Variants in TPRG1 observed in about 807,000 individuals in gnomAD.
The protein encoded by TPRG1 is tumor protein p63-regulated gene 1 protein.
In TPRG1, 29 loss-of-function variants were observed where a neutral mutation model predicts 29.3. The observed-to-expected ratio is 0.99, with a 90% CI of 0.74 to 1.35. The LOEUF is 1.35. TPRG1 is among the 40% of genes most tolerant of loss of function. TPRG1 has a pLI of 0.00. For missense variants in TPRG1, 327 were observed against 335.0 expected (o/e 0.98, Z 0.19); for synonymous variants, 130 against 116.8 (o/e 1.11, Z -0.73).
rs35018569 is a variant in TPRG1 at position 189,204,947 on chromosome 3, T to TCACACACACACACA, written c.-9-2412_-9-2399dup. ...CTGTCTCTATGTCTCTCTCTCTCTCTCACACACACACACACACACACACAC... is the reference window on the plus strand; with the variant it reads ...CTGTCTCTATGTCTCTCTCTCTCTCTCACACACACACACACACACACACACACACACACACACAC... On this transcript the variant is annotated intron_variant, in intron 1 of 5. Coordinates refer to ENST00000345063, the MANE Select transcript of TPRG1 (RefSeq NM_198485.4). Among the ~76,000 whole-genome samples the TCACACACACACACA allele has an allele frequency of 8.5e-3, 1,256 of 147,148 alleles. 20 individuals carry two copies. The highest frequency in any genetic ancestry group is 0.02 in the South Asian group (91 of 4,510).
Position 189,312,117 on chromosome 3 carries a change from GTTTC to G in TPRG1, c.633+1642_633+1645del, listed in dbSNP as rs71169040. On this transcript the variant is annotated intron_variant, in intron 5 of 5. Transcript: ENST00000345063. ...TCTTTGTTTCTTTGTTTCTTTCTTT[GTTTC>G]TTTCTTTCTTTCTTTCTTTCTTTCT... Among the ~76,000 whole-genome samples, 276 of 61,326 alleles carry G rather than the reference GTTTC, an allele frequency of 4.5e-3. 4 individuals carry two copies. Among genetic ancestry groups the G allele is most frequent in the South Asian group, 7.1e-3 (15 of 2,108 alleles). 40.2% of individuals were successfully genotyped at this position (61,326 alleles called of 152,430 possible). A position where few individuals can be genotyped will look rare whatever the true frequency, so the allele number is the denominator to read the frequency against.
chr3:189,240,579 T>G (rs1740390725), intron 4 of TPRG1: 1 of 152,288 alleles, frequency 6.6e-6, no homozygotes, highest in Non-Finnish European at 1.5e-5. Context: ...GAGAAGAACT[T>G]GTCCAGGGAA....
Position 189,180,485 on chromosome 3 carries a change from A to G in TPRG1, c.-10+8354A>G, listed in dbSNP as rs1413122213. 4.6e-5 allele frequency among the ~76,000 whole-genome samples: 7 copies of G among 152,258 alleles called. No individual in the cohort carries two copies. In the East Asian group the frequency reaches 1.4e-3, roughly 29 times the overall value. Reference sequence around the variant, plus strand: ...AATACAGCCATTCCAAATGGGAGAAATTGGCCAAAACAAGAGGGCTACAGG... The same window carrying G: ...AATACAGCCATTCCAAATGGGAGAAGTTGGCCAAAACAAGAGGGCTACAGG... On this transcript the variant is annotated intron_variant, in intron 1 of 5. Transcript: ENST00000345063.
chr3:189,283,547 G>T (rs1717509676), intron 4 of TPRG1, among the ~76,000 whole-genome samples: 1 of 152,092 alleles, frequency 6.6e-6, no homozygotes. Flanking sequence ...AATACATTTA[G>T]GGTTTATTTG....
intron 4 of TPRG1, among the ~76,000 whole-genome samples, chr3:189,079,848 C>T (rs995154509): frequency 2.0e-5 from 3 of 152,144 alleles, no homozygotes; most frequent in African/African-American, 4.8e-5. Flanking sequence ...AAGCATTTTC[C>T]GAGGCATTCA....
At chr3:189,125,816 TGTG>T (rs1560467313) in intron 1 of TPRG1, among the ~76,000 whole-genome samples, 16 of 16,364 alleles carry the variant, frequency 9.8e-4, no homozygotes, top group African/African-American at 8.5e-3. Context: ...GGGTGTTTTG[TGTG>T]TGTGTGTGTG....
Position 189,164,216 on chromosome 3 carries a change from G to A in TPRG1, c.-10+13344G>A, listed in dbSNP as rs548314885. ...CTCACTCTGTCACCCAGGCTGGAGT[G>A]CAGTGGTGCGATCTCCACTCACTGC... On this transcript the variant is annotated intron_variant, in intron 5 of 6. Transcript: ENST00000412373. 6.6e-5 allele frequency among the ~76,000 whole-genome samples: 10 copies of A among 151,926 alleles called. No homozygotes were observed. In the South Asian group the frequency reaches 1.7e-3, roughly 25 times the overall value.
intron 4 of TPRG1, among the ~76,000 whole-genome samples, chr3:189,073,378 C>G (rs1716918849): frequency 6.6e-6 from 1 of 152,158 alleles, no homozygotes. Flanking sequence ...TGTTATTACT[C>G]TCATGACACT....
intron 4 of TPRG1, among the ~76,000 whole-genome samples, chr3:189,273,504 G>A (rs1161271965): frequency 6.6e-6 from 1 of 152,180 alleles, no homozygotes; most frequent in African/African-American, 2.4e-5. Flanking sequence ...GGAAGTTGTA[G>A]ACTCAGGAAA....
At position 189,301,025 on chromosome 3, in the gene TPRG1, C is replaced by T. The variant is rs141916446; in HGVS notation, c.480-9361C>T. On this transcript the variant is annotated intron_variant, in intron 4 of 5. Coordinates refer to ENST00000345063, the MANE Select transcript of TPRG1 (RefSeq NM_198485.4). ...TGATAAAATGTTTGTGTGCTGGGCA[C>T]GGTGGCTCATGCCTGTAATCCCAGC... Among the ~76,000 whole-genome samples, 335 of 152,092 alleles carry T rather than the reference C, an allele frequency of 2.2e-3. 2 individuals carry two copies. The highest frequency in any genetic ancestry group is 0.017 in the East Asian group (90 of 5,178).
At chr3:189,110,817 A>T (rs891602487) in intron 1 of TPRG1, among the ~76,000 whole-genome samples, 1 of 151,926 alleles carries the variant, frequency 6.6e-6, no homozygotes, top group African/African-American at 2.4e-5. Context: ...TGTTGAAAAG[A>T]CTACCCTTTC....
At chr3:189,183,044 G>C (rs924064138) in intron 1 of TPRG1, among the ~76,000 whole-genome samples, 6 of 152,152 alleles carry the variant, frequency 3.9e-5, no homozygotes, top group Non-Finnish European at 5.9e-5. Flanking sequence ...TGGAAAACAG[G>C]CTTGGAAACA....
In TPRG1 at chr3:189,101,451, A is replaced by G. The variant is rs13316351; in HGVS notation, c.-744+1247A>G. On this transcript the variant is annotated intron_variant, in intron 1 of 6. Transcript: ENST00000412373. ...TGGCGACACCATCCAAGTCCTCCAC[A>G]TTTCACACTCACCCCCCACTGTCAA... 4.3e-3 allele frequency among the ~76,000 whole-genome samples: 651 copies of G among 151,866 alleles called. 3 individuals are homozygous for G. Among genetic ancestry groups the G allele is most frequent in the Admixed American group, 7.6e-3 (116 of 15,246 alleles).
At chr3:189,118,050 A>G (rs1241762448) in intron 1 of TPRG1, among the ~76,000 whole-genome samples, 1 of 152,202 alleles carries the variant, frequency 6.6e-6, no homozygotes, top group Non-Finnish European at 1.5e-5. Context: ...GACTTCCTAG[A>G]GACTTGGAGA....
intron 4 of TPRG1, among the ~76,000 whole-genome samples, chr3:189,293,812 T>C (rs1329746739): frequency 6.6e-6 from 1 of 152,214 alleles, no homozygotes; most frequent in Non-Finnish European, 1.5e-5. Context: ...CTCCCTTGCT[T>C]TTACTCTCCA....
chr3:189,087,987 C>T (rs576099396), intron 4 of TPRG1, among the ~76,000 whole-genome samples: 42 of 151,562 alleles, frequency 2.8e-4, no homozygotes, highest in Admixed American at 9.8e-4. Flanking sequence ...CTTGGCAATG[C>T]GGGATTTTTT....
Position 189,021,873 on chromosome 3 carries a change from G to C in TPRG1, c.-659-1877G>C, listed in dbSNP as rs373387918. 8.6e-4 allele frequency among the ~76,000 whole-genome samples: 131 copies of C among 152,294 alleles called. 1 individual carries two copies. Among genetic ancestry groups the C allele is most frequent in the African/African-American group, 2.7e-3 (112 of 41,568 alleles). ...CCCCATCACTTTCAGGTACACCAAT[G>C]AGACGTAGATTTGGTCTTTTCACAT... On this transcript the variant is annotated intron_variant, in intron 3 of 10. Transcript: ENST00000433971.
chr3:189,096,255 C>A (rs775060905), upstream of TPRG1, among the ~76,000 whole-genome samples: 2 of 152,204 alleles, frequency 1.3e-5, no homozygotes, highest in Non-Finnish European at 2.9e-5. Context: ...CCTAGTGCCA[C>A]CCCATCACTA....
intron 3 of TPRG1, among the ~76,000 whole-genome samples, chr3:189,228,589 C>CA (rs929440986): frequency 6.6e-6 from 1 of 151,882 alleles, no homozygotes; most frequent in Non-Finnish European, 1.5e-5. Flanking sequence ...ATGATAAAAA[C>CA]AAAAAAGAGG....
Sources: gnomAD v4.1 joint callset for allele counts (sites outside exome capture counted in the v4.1 genomes callset) on GRCh38, gnomAD v4.1.1 for gene constraint, MANE v1.5 for transcripts, NCBI Gene and HGNC (gene_info 2026-07-23, HGNC 2026-07-21) for gene names.